The following TBX4 variants were observed in gnomAD, a reference collection of about 807,000 sequenced individuals.
The protein encoded by TBX4 is T-box transcription factor TBX4.
A neutral mutation model predicts 54.6 loss-of-function variants in TBX4; 13 were observed. The observed-to-expected ratio is 0.24, with a 90% CI of 0.15 to 0.38. The LOEUF is 0.38. Ranked by LOEUF, TBX4 falls within the 10% of genes least tolerant of loss-of-function variation. The pLI, the probability that TBX4 is intolerant of heterozygous loss-of-function variation, is 1.00. For synonymous variants in TBX4, 314 were observed against 306.7 expected (o/e 1.02, Z -0.25); for missense variants, 631 against 728.5 (o/e 0.87, Z 1.54).
rs752496226 is a variant in TBX4, at chr17:61,456,646, C to G, written c.156C>G (p.Ala52=). The change falls in exon 2 of 9, where the codon GCC becomes GCG. Residue 52 remains alanine (A), a synonymous_variant. Coordinates refer to ENST00000644296, the MANE Select transcript of TBX4 (RefSeq NM_001321120.2). The stretch of plus-strand genomic sequence containing the variant: ...TAGGCAGCCCCCCGGGACCCGGGGC[C>G]GACGTCGTCGCCGCCGCCGCCGCGG... ...AALGSPPGPG[A]DVVAAAAAEQ... The G allele has an allele frequency of 7.4e-7, 1 of 1,350,258 alleles. No homozygotes were observed. Among genetic ancestry groups the G allele is most frequent in the Non-Finnish European group, 9.5e-7 (1 of 1,049,394 alleles). 83.6% of individuals were successfully genotyped at this position (1,350,258 alleles called of 1,614,324 possible).
In TBX4 at chr17:61,479,760, G is replaced by A. The variant is rs1603255098; in HGVS notation, c.703-121G>A. On this transcript the variant is annotated intron_variant, in intron 6 of 8. Transcript: ENST00000644296. This position sits in a 1 kb window ranked among gnomAD's most constrained non-coding sequence, Gnocchi z 6.1. ...CCCAAGGAGGGTAGTGAGAAGCGGT[G>A]AGGCTGGAGAGCGACCCCTGAGGGA... 1 of 1,039,722 alleles carries A rather than the reference G, an allele frequency of 9.6e-7. No homozygotes were observed. Among genetic ancestry groups the A allele is most frequent in the East Asian group, 2.4e-5 (1 of 41,828 alleles). The allele number at this position is 1,039,722 out of a possible 1,614,324, so 64.4% of individuals were successfully genotyped here.
chr17:61,462,503 A>T lies in TBX4; in HGVS notation c.282-3316A>T, dbSNP rs1053271252. Among the ~76,000 whole-genome samples, 6 of 144,252 alleles carry T rather than the reference A, an allele frequency of 4.2e-5. No individual in the cohort carries two copies. Among genetic ancestry groups the T allele is most frequent in the Admixed American group, 3.5e-4 (5 of 14,388 alleles). The allele number at this position is 144,252 out of a possible 152,430, so 94.6% of individuals were successfully genotyped here. The stretch of plus-strand genomic sequence containing the variant: ...GCTGGGAAGAGGGAGGGACAGGAGG[A>T]CGGGGTGGGAGCAGGGAGAGGGTAG... On this transcript the variant is annotated intron_variant, in intron 3 of 8. Coordinates refer to ENST00000644296, the MANE Select transcript of TBX4 (RefSeq NM_001321120.2). The surrounding 1 kb of genome is among the most constrained non-coding windows in gnomAD (Gnocchi z 4.5).
rs148110753 is a variant in TBX4 at position 61,453,470 on chromosome 17, G to A, written c.-4+893G>A. On this transcript the variant is annotated intron_variant, in intron 1 of 8. Transcript: ENST00000644296. ...AAAAGAAATATTAACTAAAATCTTA[G>A]GAGCAATAGTAATATAAATAAAGAC... Among the ~76,000 whole-genome samples, 774 of 152,134 alleles carry A rather than the reference G, an allele frequency of 5.1e-3. 7 individuals carry two copies. The highest frequency in any genetic ancestry group is 0.018 in the African/African-American group (732 of 41,506).
chr17:61,453,864 T>G (rs2060429791), intron 1 of TBX4, among the ~76,000 whole-genome samples: 1 of 152,180 alleles, frequency 6.6e-6, no homozygotes, highest in South Asian at 2.1e-4. Context: ...TTGAGAACAA[T>G]TATATAACAA....
At chr17:61,470,464 C>A (rs1219771985) in intron 5 of TBX4, among the ~76,000 whole-genome samples, 1 of 152,202 alleles carries the variant, frequency 6.6e-6, no homozygotes, top group Non-Finnish European at 1.5e-5. Flanking sequence ...GGAACAGGAA[C>A]CTCTCAGACC....
At position 61,479,631 on chromosome 17, in the gene TBX4, G is replaced by A. The variant is rs1006317073; in HGVS notation, c.703-250G>A. Among the ~76,000 whole-genome samples the A allele has an allele frequency of 2.0e-5, 3 of 152,134 alleles. No individual in the cohort carries two copies. Among genetic ancestry groups the A allele is most frequent in the Non-Finnish European group, 1.5e-5 (1 of 68,020 alleles). Reference sequence around the variant, plus strand: ...GGAGTAGGGAGCCAGGGACAAACCAGGTGTGAATGGCAAGGCCCACTTCCC... The same window carrying A: ...GGAGTAGGGAGCCAGGGACAAACCAAGTGTGAATGGCAAGGCCCACTTCCC... On this transcript the variant is annotated intron_variant, in intron 6 of 8. Coordinates refer to ENST00000644296, the MANE Select transcript of TBX4 (RefSeq NM_001321120.2). This position sits in a 1 kb window ranked among gnomAD's most constrained non-coding sequence, Gnocchi z 6.1.
intron 5 of TBX4, among the ~76,000 whole-genome samples, chr17:61,477,751 A>G (rs6504045): frequency 0.37 from 56,295 of 151,860 alleles, 12,820 homozygotes; most frequent in African/African-American, 0.65. Flanking sequence ...GACCAGCCTG[A>G]CCAACATGGT....
intron 8 of TBX4, among the ~76,000 whole-genome samples, chr17:61,482,643 G>T (rs1023219022): frequency 6.6e-6 from 1 of 152,222 alleles, no homozygotes; most frequent in Admixed American, 6.5e-5. Context: ...GTGCTGCCTG[G>T]CTAAGCCTGG....
In TBX4 at chr17:61,459,325, C is replaced by T. The variant is rs1182369574; in HGVS notation, c.281+1694C>T. 6.6e-6 allele frequency among the ~76,000 whole-genome samples: 1 copy of T among 152,204 alleles called. No individual in the cohort carries two copies. The highest frequency in any genetic ancestry group is 1.9e-4 in the East Asian group (1 of 5,202). On this transcript the variant is annotated intron_variant, in intron 3 of 8. Coordinates refer to ENST00000644296, the MANE Select transcript of TBX4 (RefSeq NM_001321120.2). The surrounding 1 kb of genome is among the most constrained non-coding windows in gnomAD (Gnocchi z 4.8). ...TTTTCTATCACTGTGAAACTCAAACCAGGGAATCACGTGGATGATGGTTGG... is the reference window on the plus strand; with the variant it reads ...TTTTCTATCACTGTGAAACTCAAACTAGGGAATCACGTGGATGATGGTTGG...
intron 5 of TBX4, among the ~76,000 whole-genome samples, chr17:61,473,749 G>T (rs376063958): frequency 6.6e-6 from 1 of 152,220 alleles, no homozygotes; most frequent in East Asian, 1.9e-4. Context: ...TAAAATAAGG[G>T]CAATAATAAT....
In TBX4 at chr17:61,456,523, G is replaced by T; in HGVS notation, c.33G>T (p.Glu11Asp). Residue 11 changes from glutamate (E) to aspartate (D), a missense_variant, in exon 2 of 9, where the codon GAG becomes GAT. This residue lies in a region of TBX4 where 123 missense variants were observed against 120.9 expected (regional missense o/e 1.02). Transcript: ENST00000644296. MLQDKGLSESEEAFRAPGPAL... is the reference protein window; with the variant it reads MLQDKGLSESDEAFRAPGPAL... ...AGGATAAGGGCCTGTCCGAGAGCGAGGAGGCCTTCCGGGCCCCGGGCCCAG... is the reference window on the plus strand; with the variant it reads ...AGGATAAGGGCCTGTCCGAGAGCGATGAGGCCTTCCGGGCCCCGGGCCCAG... 6.4e-7 allele frequency: 1 copy of T among 1,566,598 alleles called. No individual in the cohort carries two copies. The highest frequency in any genetic ancestry group is 8.6e-7 in the Non-Finnish European group (1 of 1,156,332).
chr17:61,461,735 C>A lies in TBX4; in HGVS notation c.282-4084C>A, dbSNP rs1421987063. Among the ~76,000 whole-genome samples, 2 of 152,176 alleles carry A rather than the reference C, an allele frequency of 1.3e-5. No homozygotes were observed. Among genetic ancestry groups the A allele is most frequent in the African/African-American group, 4.8e-5 (2 of 41,434 alleles). ...TCATCACCACCACCGCCCCAGAATC[C>A]TTCTTGTGTGCCTGCCCAGTCAGAG... On this transcript the variant is annotated intron_variant, in intron 3 of 8. Coordinates refer to ENST00000644296, the MANE Select transcript of TBX4 (RefSeq NM_001321120.2). The surrounding 1 kb of genome is among the most constrained non-coding windows in gnomAD (Gnocchi z 5.1).
intron 5 of TBX4, among the ~76,000 whole-genome samples, chr17:61,468,936 G>A (rs1411976139): frequency 6.6e-6 from 1 of 152,130 alleles, no homozygotes; most frequent in African/African-American, 2.4e-5. Context: ...GCTTGGCCAG[G>A]CTGTGGCACC....
chr17:61,454,546 G>T (rs899359717), intron 1 of TBX4, among the ~76,000 whole-genome samples: 1 of 152,260 alleles, frequency 6.6e-6, no homozygotes, highest in Non-Finnish European at 1.5e-5. Context: ...GTGGAAAAAA[G>T]GAAATTGCTG....
rs2060482302 is a variant in TBX4, at chr17:61,459,835, C to A, written c.281+2204C>A. 6.6e-6 allele frequency among the ~76,000 whole-genome samples: 1 copy of A among 152,168 alleles called. No homozygotes were observed. The highest frequency in any genetic ancestry group is 2.1e-4 in the South Asian group (1 of 4,834). ...TCTGGTTCTTAAGAAAATCACTAGTCTCATGCCCCCAACCCCTCACCCCTC... is the reference window on the plus strand; with the variant it reads ...TCTGGTTCTTAAGAAAATCACTAGTATCATGCCCCCAACCCCTCACCCCTC... On this transcript the variant is annotated intron_variant, in intron 3 of 8. Coordinates refer to ENST00000644296, the MANE Select transcript of TBX4 (RefSeq NM_001321120.2). This position sits in a 1 kb window ranked among gnomAD's most constrained non-coding sequence, Gnocchi z 4.8.
rs2060647788 is a variant in TBX4, at chr17:61,479,527, A to G, written c.703-354A>G. Among the ~76,000 whole-genome samples, 1 of 152,190 alleles carries G rather than the reference A, an allele frequency of 6.6e-6. No individual in the cohort carries two copies. Among genetic ancestry groups the G allele is most frequent in the Non-Finnish European group, 1.5e-5 (1 of 68,028 alleles). On this transcript the variant is annotated intron_variant, in intron 6 of 8. Coordinates refer to ENST00000644296, the MANE Select transcript of TBX4 (RefSeq NM_001321120.2). The surrounding 1 kb of genome is among the most constrained non-coding windows in gnomAD (Gnocchi z 6.1). ...CACTGGGAAGATGTTACAGGTCCCC[A>G]GGAGAGACCCATGGGGACAGAAGCC...
chr17:61,463,955 T>C (rs767545260), intron 3 of TBX4, among the ~76,000 whole-genome samples: 3 of 152,166 alleles, frequency 2.0e-5, no homozygotes, highest in Non-Finnish European at 4.4e-5. Flanking sequence ...TGGTGCAAGA[T>C]CCAGCTGCGC....
chr17:61,469,223 G>A (rs192307740), intron 5 of TBX4, among the ~76,000 whole-genome samples: 66 of 152,308 alleles, frequency 4.3e-4, no homozygotes, highest in African/African-American at 1.4e-3. Context: ...GGAAAGCTGC[G>A]CCTTCTTTAG....
In TBX4 at chr17:61,484,798, C is replaced by T. The variant is rs2060691713; in HGVS notation, c.*1282C>T. The stretch of plus-strand genomic sequence containing the variant: ...CGCTCTCTCTCACAAATGCAGGCCA[C>T]ATGTCAAATTCAGCTTTGCTTTCTA... On this transcript the variant is annotated 3_prime_UTR_variant, in exon 9 of 9. Coordinates refer to ENST00000644296, the MANE Select transcript of TBX4 (RefSeq NM_001321120.2). The surrounding 1 kb of genome is among the most constrained non-coding windows in gnomAD (Gnocchi z 4.1). The T allele has an allele frequency of 1.3e-5, 2 of 148,266 alleles. No individual in the cohort carries two copies. The highest frequency in any genetic ancestry group is 4.9e-5 in the African/African-American group (2 of 40,794). 9.2% of individuals were successfully genotyped at this position (148,266 alleles called of 1,614,324 possible). A position where few individuals can be genotyped will look rare whatever the true frequency, so the allele number is the denominator to read the frequency against.
Sources: gnomAD v4.1 joint callset for allele counts (sites outside exome capture counted in the v4.1 genomes callset) on GRCh38, gnomAD v4.1.1 for gene constraint, gnomAD v4.1.1 regional missense constraint, Gnocchi (gnomAD v3.1) non-coding constraint, MANE v1.5 for transcripts, NCBI Gene and HGNC (gene_info 2026-07-23, HGNC 2026-07-21) for gene names.